FNIP2: variants seen among roughly 807,000 people sequenced by gnomAD.
FNIP2 encodes the protein folliculin interacting protein 2.
In FNIP2, 32 loss-of-function variants were observed where a neutral mutation model predicts 108.7. That is an observed-to-expected ratio of 0.29 (90% CI 0.22 to 0.40). The LOEUF is 0.40. FNIP2 is among the 10% of genes least tolerant of loss of function. FNIP2 has a pLI of 1.00. For synonymous variants in FNIP2, 480 were observed against 496.7 expected (o/e 0.97, Z 0.45); for missense variants, 1,202 against 1,381.6 (o/e 0.87, Z 2.06).
chr4:158,889,716 C>T, intron 14 of FNIP2: 3 of 579,084 alleles, frequency 5.2e-6, no homozygotes, highest in Non-Finnish European at 6.5e-6. Flanking sequence ...TGTCCCGTGG[C>T]ATGACCAGCA....
chr4:158,887,432 G>T (rs1463919957), intron 14 of FNIP2, among the ~76,000 whole-genome samples: 3 of 152,042 alleles, frequency 2.0e-5, no homozygotes, highest in Non-Finnish European at 4.4e-5. Flanking sequence ...TGGTTCTATA[G>T]ATGCCTAAAA....
intron 1 of FNIP2, among the ~76,000 whole-genome samples, chr4:158,771,504 G>A (rs963004262): frequency 1.3e-5 from 2 of 152,218 alleles, no homozygotes. Flanking sequence ...TGTACTTTGA[G>A]GGGAACAAGG....
chr4:158,811,783 A>T (rs1777289388), intron 1 of FNIP2, among the ~76,000 whole-genome samples: 1 of 152,224 alleles, frequency 6.6e-6, no homozygotes. Flanking sequence ...ATAATCTGTC[A>T]GTGATCCATG....
intron 16 of FNIP2, among the ~76,000 whole-genome samples, chr4:158,903,078 G>A (rs867340588): frequency 2.6e-5 from 4 of 152,160 alleles, no homozygotes; most frequent in African/African-American, 7.2e-5. Context: ...CCAAATGGCC[G>A]CCCAGTTTTG....
chr4:158,824,534 C>T (rs1172701030), intron 1 of FNIP2, among the ~76,000 whole-genome samples: 3 of 152,134 alleles, frequency 2.0e-5, no homozygotes, highest in Non-Finnish European at 2.9e-5. Context: ...GTCCCCTTTC[C>T]CCCACCTCTG....
intron 1 of FNIP2, among the ~76,000 whole-genome samples, chr4:158,819,957 G>A (rs1777788822): frequency 6.6e-6 from 1 of 152,220 alleles, no homozygotes; most frequent in African/African-American, 2.4e-5. Flanking sequence ...GTTGGAAAAT[G>A]TAACTGCGTT....
chr4:158,881,969 C>T (rs961565827), intron 14 of FNIP2, among the ~76,000 whole-genome samples: 41 of 149,186 alleles, frequency 2.7e-4, no homozygotes, highest in Admixed American at 4.7e-4. Flanking sequence ...AAGTGAGGAG[C>T]GCCTCTTCCC....
chr4:158,887,347 T>C (rs902465691), intron 14 of FNIP2, among the ~76,000 whole-genome samples: 1 of 152,214 alleles, frequency 6.6e-6, no homozygotes, highest in Non-Finnish European at 1.5e-5. Context: ...ATTTACTAAC[T>C]TCTACTATTA....
chr4:158,863,971 A>G (rs1207138426), intron 12 of FNIP2, among the ~76,000 whole-genome samples: 4 of 152,216 alleles, frequency 2.6e-5, no homozygotes, highest in Non-Finnish European at 5.9e-5. Flanking sequence ...ACACAGTGGA[A>G]TTAGACTACA....
chr4:158,817,536 C>T (rs373433887), intron 1 of FNIP2, among the ~76,000 whole-genome samples: 1 of 152,030 alleles, frequency 6.6e-6, no homozygotes, highest in East Asian at 1.9e-4. Context: ...AGTCCCACCC[C>T]ATTTCCCATT....
intron 16 of FNIP2, among the ~76,000 whole-genome samples, chr4:158,901,748 C>T (rs933387782): frequency 1.3e-5 from 2 of 151,750 alleles, no homozygotes; most frequent in African/African-American, 4.8e-5. Context: ...TCTTCAATCT[C>T]TGATAGCCTT....
intron 7 of FNIP2, among the ~76,000 whole-genome samples, chr4:158,848,361 G>T (rs934776201): frequency 1.3e-5 from 2 of 152,216 alleles, no homozygotes; most frequent in Admixed American, 6.5e-5. Context: ...GTAATCCAGA[G>T]AATTCTTCTA....
At chr4:158,782,941 A>C (rs1024321885) in intron 1 of FNIP2, among the ~76,000 whole-genome samples, 12 of 152,210 alleles carry the variant, frequency 7.9e-5, no homozygotes, top group African/African-American at 2.9e-4. Context: ...CAGTAGGTGC[A>C]AATCCACACT....
chr4:158,880,966 T>G (rs948937161), intron 14 of FNIP2, among the ~76,000 whole-genome samples: 1 of 152,198 alleles, frequency 6.6e-6, no homozygotes, highest in Non-Finnish European at 1.5e-5. Context: ...ATGAGCTCTT[T>G]GCATGACTGA....
At chr4:158,790,650 G>A (rs1214931101) in intron 1 of FNIP2, among the ~76,000 whole-genome samples, 8 of 152,282 alleles carry the variant, frequency 5.3e-5, no homozygotes, top group African/African-American at 1.9e-4. Context: ...AGGAGGCTGA[G>A]GTGGGAGGAC....
chr4:158,800,689 G>A (rs1437310142), intron 1 of FNIP2, among the ~76,000 whole-genome samples: 1 of 151,934 alleles, frequency 6.6e-6, no homozygotes, highest in African/African-American at 2.4e-5. Flanking sequence ...TTCTGATATT[G>A]TTTTTCTATG....
Position 158,891,469 on chromosome 4 carries a change from A to G in FNIP2, c.2973A>G (p.Ile991Met). The change falls in exon 15 of 17, where the codon ATA (isoleucine) becomes ATG (methionine). Residue 991 changes from isoleucine (I) to methionine (M), a missense_variant. Physicochemically the swap from Ile to Met is conservative, Grantham distance 10 (BLOSUM62 1). Around this residue, in one of 5 missense-constraint regions of FNIP2, gnomAD observed 142 missense variants for 183.8 expected, o/e 0.77. Transcript: ENST00000264433. ...AGCATCCAGTCCTGGATGAGCCAATAGCTGAAGCTGTCTGTATTATCGCAG... is the reference window on the plus strand; with the variant it reads ...AGCATCCAGTCCTGGATGAGCCAATGGCTGAAGCTGTCTGTATTATCGCAG... ...TVHHPVLDEP[I>M]AEAVCIIADT... The G allele has an allele frequency of 6.2e-7, 1 of 1,604,008 alleles. No individual in the cohort carries two copies. Among genetic ancestry groups the G allele is most frequent in the Non-Finnish European group, 8.5e-7 (1 of 1,174,902 alleles).
intron 16 of FNIP2, among the ~76,000 whole-genome samples, chr4:158,903,333 T>G (rs903705770): frequency 6.6e-6 from 1 of 152,218 alleles, no homozygotes; most frequent in South Asian, 2.1e-4. Flanking sequence ...CCCAATGAGA[T>G]GAGCCGGGTA....
chr4:158,855,217 C>T (rs1183691820), intron 8 of FNIP2, among the ~76,000 whole-genome samples: 3 of 152,166 alleles, frequency 2.0e-5, no homozygotes, highest in Non-Finnish European at 4.4e-5. Context: ...CATCCGAACA[C>T]ATGCTTCATT....
Sources: allele counts gnomAD v4.1 joint callset (sites outside exome capture counted in the v4.1 genomes callset), GRCh38; gene constraint gnomAD v4.1.1; regional missense constraint gnomAD v4.1.1; transcripts MANE v1.5; gene names NCBI Gene and HGNC (gene_info 2026-07-23, HGNC 2026-07-21).